GALNT13: variants seen among roughly 807,000 people sequenced by gnomAD.
GALNT13 encodes the protein UDP-GalNAc:polypeptide N-acetylgalactosaminyltransferase 13.
In GALNT13, 28 loss-of-function variants were observed where a neutral mutation model predicts 64.2. That is an observed-to-expected ratio of 0.44 (90% CI 0.32 to 0.60). The LOEUF (loss-of-function observed/expected upper bound fraction) is 0.60. GALNT13 is among the 20% of genes least tolerant of loss of function. The probability of loss-of-function intolerance (pLI) is 0.05; values close to 1 mark genes in which losing one functional copy is unlikely to be tolerated. For missense variants in GALNT13, 577 were observed against 669.8 expected (o/e 0.86, Z 1.53); for synonymous variants, 214 against 224.6 (o/e 0.95, Z 0.42).
rs1053818077 is a variant in GALNT13 at position 154,078,394 on chromosome 2, G to T, written c.143-61943G>T. 2.0e-5 allele frequency among the ~76,000 whole-genome samples: 3 copies of T among 151,322 alleles called. No individual in the cohort carries two copies. The Admixed American group carries it at 2.0e-4, about 10-fold the overall frequency. On this transcript the variant is annotated intron_variant, in intron 3 of 12. Coordinates refer to ENST00000392825, the MANE Select transcript of GALNT13 (RefSeq NM_052917.4). ...ATGCACATATTTTCTTCTTGATAAA[G>T]GATTTGTCTCAAACAGATTGTAATG...
chr2:153,902,348 A>G (rs2105295449), intron 2 of GALNT13, among the ~76,000 whole-genome samples: 1 of 152,178 alleles, frequency 6.6e-6, no homozygotes, highest in Non-Finnish European at 1.5e-5. Context: ...GATTTTGTTT[A>G]GTAATTTTAT....
At chr2:154,098,218 T>C (rs1348632900) in intron 3 of GALNT13, among the ~76,000 whole-genome samples, 2 of 151,868 alleles carry the variant, frequency 1.3e-5, no homozygotes, top group East Asian at 3.9e-4. Context: ...ACCAGCTGAG[T>C]GATAATTCAG....
the GALNT13 span, among the ~76,000 whole-genome samples, chr2:153,116,318 A>T: frequency 6.6e-5 from 10 of 152,184 alleles, no homozygotes; most frequent in Admixed American, 4.6e-4. Context: ...TAACAAAGTA[A>T]ATGAGACTGA....
chr2:153,834,076 A>G, the GALNT13 span, among the ~76,000 whole-genome samples: 2 of 152,104 alleles, frequency 1.3e-5, no homozygotes, highest in African/African-American at 2.4e-5. Flanking sequence ...TGAAAAAGTT[A>G]ATATACCGGC....
intron 8 of GALNT13, among the ~76,000 whole-genome samples, chr2:154,298,480 AT>A (rs1271111166): frequency 1.2e-3 from 146 of 125,234 alleles, no homozygotes; most frequent in African/African-American, 3.7e-3. Context: ...TTATATATAA[AT>A]TATATATAAA....
At chr2:153,601,902 C>G in the GALNT13 span, among the ~76,000 whole-genome samples, 2 of 151,840 alleles carry the variant, frequency 1.3e-5, no homozygotes, top group Non-Finnish European at 1.5e-5. Flanking sequence ...TGCGTTATCC[C>G]TATGTAGTCA....
the GALNT13 span, among the ~76,000 whole-genome samples, chr2:153,497,265 A>G: frequency 6.6e-6 from 1 of 152,106 alleles, no homozygotes; most frequent in African/African-American, 2.4e-5. Flanking sequence ...CTAAGGAAGC[A>G]CAAATAATAA....
the GALNT13 span, among the ~76,000 whole-genome samples, chr2:153,689,425 T>G: frequency 1.3e-5 from 2 of 152,068 alleles, no homozygotes; most frequent in African/African-American, 2.4e-5. Flanking sequence ...ACATAAGTAC[T>G]TTGCTGGTTA....
intron 3 of GALNT13, among the ~76,000 whole-genome samples, chr2:154,053,775 G>A (rs1519215): frequency 0.19 from 28,372 of 152,166 alleles, 3,370 homozygotes; most frequent in Non-Finnish European, 0.26. Context: ...AATCTGGGCT[G>A]ACAGTGGGTG....
intron 3 of GALNT13, among the ~76,000 whole-genome samples, chr2:153,997,692 G>A (rs186295800): frequency 1.3e-5 from 2 of 152,114 alleles, no homozygotes; most frequent in Non-Finnish European, 2.9e-5. Flanking sequence ...TATGCAGAAC[G>A]TGCAGATTTG....
the GALNT13 span, among the ~76,000 whole-genome samples, chr2:153,309,465 A>T: frequency 6.6e-6 from 1 of 152,150 alleles, no homozygotes; most frequent in Non-Finnish European, 1.5e-5. Context: ...ATAGAAAGTC[A>T]TCATCTTTCA....
chr2:153,556,962 T>A, the GALNT13 span, among the ~76,000 whole-genome samples: 68 of 152,182 alleles, frequency 4.5e-4, no homozygotes, highest in Non-Finnish European at 8.5e-4. Context: ...TATCCTAAAT[T>A]CAGTGTATCT....
At chr2:153,253,100 G>A in the GALNT13 span, among the ~76,000 whole-genome samples, 1 of 151,906 alleles carries the variant, frequency 6.6e-6, no homozygotes, top group Non-Finnish European at 1.5e-5. Context: ...TCCTACCCAT[G>A]AGCATGGGAT....
At chr2:153,947,399 A>G (rs1263788639) in intron 3 of GALNT13, among the ~76,000 whole-genome samples, 1 of 150,174 alleles carries the variant, frequency 6.7e-6, no homozygotes, top group Non-Finnish European at 1.5e-5. Context: ...TGCATATATG[A>G]TGGTGATCCC....
At chr2:153,390,727 A>G in the GALNT13 span, among the ~76,000 whole-genome samples, 1 of 152,116 alleles carries the variant, frequency 6.6e-6, no homozygotes, top group African/African-American at 2.4e-5. Context: ...TACTGCAGTC[A>G]TTTTTCATCC....
At position 153,911,845 on chromosome 2, in the gene GALNT13, T is replaced by G. The variant is rs144405069; in HGVS notation, c.-105+10838T>G. 7.2e-4 allele frequency among the ~76,000 whole-genome samples: 109 copies of G among 152,260 alleles called. 1 individual carries two copies. The East Asian group carries it at 0.018, about 25-fold the overall frequency. ...TGTCTCTTGGTGCCTTTATCATTTT[T>G]TATTTCAGCCTTGGAGAATATGATG... is the stretch of plus-strand genomic sequence containing the variant. On this transcript the variant is annotated intron_variant, in intron 2 of 12. Transcript: ENST00000392825.
chr2:153,945,960 T>A (rs1285686184), intron 3 of GALNT13, among the ~76,000 whole-genome samples: 1 of 152,148 alleles, frequency 6.6e-6, no homozygotes, highest in Non-Finnish European at 1.5e-5. Flanking sequence ...TTTAGGTAGT[T>A]TACATGCATT....
the GALNT13 span, among the ~76,000 whole-genome samples, chr2:153,341,502 T>G: frequency 1.3e-5 from 2 of 152,234 alleles, no homozygotes; most frequent in African/African-American, 4.8e-5. Context: ...ATTCTCCTTC[T>G]TACAGCATAT....
At chr2:153,769,949 C>A in the GALNT13 span, among the ~76,000 whole-genome samples, 1 of 152,122 alleles carries the variant, frequency 6.6e-6, no homozygotes, top group African/African-American at 2.4e-5. Context: ...TGATGTCAAT[C>A]TCTTCTTTAT....
Sources: allele counts gnomAD v4.1 joint callset (sites outside exome capture counted in the v4.1 genomes callset), GRCh38; gene constraint gnomAD v4.1.1; transcripts MANE v1.5; gene names NCBI Gene and HGNC (gene_info 2026-07-23, HGNC 2026-07-21).